The following LRRC7 variants were observed in gnomAD, a reference collection of about 807,000 sequenced individuals.
LRRC7 encodes leucine-rich repeat-containing protein 7.
LRRC7 carries 23 observed loss-of-function variants against 175.7 expected under a neutral mutation model. The ratio of observed to expected loss-of-function variants is 0.13; its 90% confidence interval spans 0.09 to 0.19. The LOEUF (loss-of-function observed/expected upper bound fraction) is 0.19, where lower values mean the gene tolerates loss of function less well. Among genes scored for constraint, LRRC7 ranks in the 10% least tolerant of loss-of-function variants. The pLI is 1.00. For synonymous variants in LRRC7, 685 were observed against 680.9 expected (o/e 1.01, Z -0.09); for missense variants, 1,354 against 1,904.7 (o/e 0.71, Z 5.38).
At chr1:69,814,760 G>A (rs1027688667) in intron 4 of LRRC7, among the ~76,000 whole-genome samples, 18 of 152,110 alleles carry the variant, frequency 1.2e-4, no homozygotes, top group Middle Eastern at 3.4e-3. Flanking sequence ...AGAGCCACTG[G>A]TAACCTACTT....
intron 4 of LRRC7, among the ~76,000 whole-genome samples, chr1:69,801,493 C>CT (rs1210210731): frequency 6.6e-6 from 1 of 151,460 alleles, no homozygotes; most frequent in African/African-American, 2.4e-5. Context: ...AATTCTTAGC[C>CT]TGTGAGCAAA....
At position 70,027,148 on chromosome 1, in the gene LRRC7, A is replaced by G. The variant is rs368748827; in HGVS notation, c.1795-1023A>G. Among the ~76,000 whole-genome samples, 7 of 152,132 alleles carry G rather than the reference A, an allele frequency of 4.6e-5. No homozygotes were observed. The East Asian group carries it at 9.6e-4, about 21-fold the overall frequency. ...TTTCCACAGATACATACCTACCACA[A>G]TCACATAAATCATTTCATTTTGTAA... On this transcript the variant is annotated intron_variant, in intron 17 of 26. Coordinates refer to ENST00000651989, the MANE Select transcript of LRRC7 (RefSeq NM_001370785.2).
At chr1:69,812,806 A>G (rs533406114) in intron 4 of LRRC7, among the ~76,000 whole-genome samples, 1 of 152,136 alleles carries the variant, frequency 6.6e-6, no homozygotes, top group African/African-American at 2.4e-5. Context: ...AACAATTTTT[A>G]TGCACTTGAG....
chr1:69,628,027 G>A (rs1397037799), intron 1 of LRRC7, among the ~76,000 whole-genome samples: 2 of 151,940 alleles, frequency 1.3e-5, no homozygotes, highest in African/African-American at 4.8e-5. Context: ...TCTCAAAATT[G>A]TTTCCTTAAT....
intron 8 of LRRC7, among the ~76,000 whole-genome samples, chr1:69,971,105 A>G (rs1436593700): frequency 1.3e-5 from 2 of 152,070 alleles, no homozygotes; most frequent in African/African-American, 4.8e-5. Context: ...TCTCCACAAA[A>G]TCAGCATACA....
At chr1:69,928,547 A>G (rs1006216073) in intron 7 of LRRC7, among the ~76,000 whole-genome samples, 39 of 152,262 alleles carry the variant, frequency 2.6e-4, no homozygotes, top group Non-Finnish European at 4.7e-4. Flanking sequence ...GCCGCCTTGC[A>G]GTTTGATCTC....
chr1:69,880,652 G>A (rs1030455270), intron 7 of LRRC7, among the ~76,000 whole-genome samples: 7 of 152,036 alleles, frequency 4.6e-5, no homozygotes, highest in Non-Finnish European at 8.8e-5. Flanking sequence ...GACAAAAGAA[G>A]GAGAGTATTA....
At chr1:69,828,403 G>A (rs1269859074) in intron 5 of LRRC7, among the ~76,000 whole-genome samples, 2 of 152,104 alleles carry the variant, frequency 1.3e-5, no homozygotes, top group African/African-American at 2.4e-5. Flanking sequence ...GGTGTTCAGA[G>A]TTCAGTTGTT....
chr1:69,923,034 T>C (rs1214126242), intron 7 of LRRC7, among the ~76,000 whole-genome samples: 1 of 152,132 alleles, frequency 6.6e-6, no homozygotes, highest in African/African-American at 2.4e-5. Context: ...GCTCTCATTG[T>C]TCACTTCCCA....
intron 1 of LRRC7, among the ~76,000 whole-genome samples, chr1:69,569,494 T>C (rs1645643083): frequency 6.6e-6 from 1 of 151,934 alleles, no homozygotes; most frequent in Non-Finnish European, 1.5e-5. Flanking sequence ...GGGAAGCACA[T>C]TAGCATTAAG....
At chr1:69,876,706 A>T (rs1345635824) in intron 7 of LRRC7, among the ~76,000 whole-genome samples, 1 of 152,150 alleles carries the variant, frequency 6.6e-6, no homozygotes, top group Admixed American at 6.6e-5. Context: ...GTGCTTGGGC[A>T]AATTTTAGAG....
intron 8 of LRRC7, among the ~76,000 whole-genome samples, chr1:69,962,019 C>T (rs1045809562): frequency 9.2e-5 from 14 of 152,098 alleles, no homozygotes; most frequent in African/African-American, 3.1e-4. Context: ...AGCTTCTGCA[C>T]AGCAAAAGAA....
chr1:69,631,824 A>G (rs1652554003), intron 1 of LRRC7, among the ~76,000 whole-genome samples: 1 of 152,004 alleles, frequency 6.6e-6, no homozygotes, highest in African/African-American at 2.4e-5. Flanking sequence ...TCAAACTCAT[A>G]ATCATCCTGC....
intron 7 of LRRC7, among the ~76,000 whole-genome samples, chr1:69,891,841 T>A (rs1344187061): frequency 2.4e-5 from 3 of 124,240 alleles, no homozygotes; most frequent in African/African-American, 7.8e-5. Flanking sequence ...GCACATGCTG[T>A]TGGAAAAATG....
intron 1 of LRRC7, among the ~76,000 whole-genome samples, chr1:69,642,677 G>T (rs1225038967): frequency 1.3e-5 from 2 of 151,932 alleles, no homozygotes; most frequent in Non-Finnish European, 2.9e-5. Context: ...AAAAAGATAT[G>T]CATATGGCTG....
intron 7 of LRRC7, among the ~76,000 whole-genome samples, chr1:69,840,180 A>C (rs1681570175): frequency 6.6e-6 from 1 of 151,988 alleles, no homozygotes; most frequent in African/African-American, 2.4e-5. Context: ...TAAAGAACCA[A>C]ATTCAGGCAT....
At chr1:69,851,444 G>T (rs1682973106) in intron 7 of LRRC7, among the ~76,000 whole-genome samples, 1 of 152,088 alleles carries the variant, frequency 6.6e-6, no homozygotes, top group South Asian at 2.1e-4. Flanking sequence ...AATTAATGAT[G>T]CAGAAGAGAA....
chr1:70,124,512 G>A lies in LRRC7; in HGVS notation c.*2625G>A, dbSNP rs1375226237. Among the ~76,000 whole-genome samples, 5 of 152,056 alleles carry A rather than the reference G, an allele frequency of 3.3e-5. No homozygotes were observed. Among genetic ancestry groups the A allele is most frequent in the African/African-American group, 7.2e-5 (3 of 41,410 alleles). ...TGCACTCCGGCCTGGGCAACAGAGC[G>A]AAACTCTGTCTCAAAATAAATAAAT... On this transcript the variant is annotated 3_prime_UTR_variant, in exon 27 of 27. Transcript: ENST00000651989.
At chr1:70,115,988 G>T (rs980419869) in intron 26 of LRRC7, among the ~76,000 whole-genome samples, 13 of 152,180 alleles carry the variant, frequency 8.5e-5, no homozygotes, top group Non-Finnish European at 1.8e-4. Context: ...AATGTGGCTT[G>T]TTGGGAAATT....
Sources: gnomAD v4.1 joint callset for allele counts (sites outside exome capture counted in the v4.1 genomes callset) on GRCh38, gnomAD v4.1.1 for gene constraint, MANE v1.5 for transcripts, NCBI Gene and HGNC (gene_info 2026-07-23, HGNC 2026-07-21) for gene names.